Variants in PTGER4 observed in about 807,000 individuals in gnomAD.
The protein encoded by PTGER4 is prostaglandin E2 receptor EP4 subtype.
PTGER4 carries 11 observed loss-of-function variants against 33.2 expected under a neutral mutation model. That is an observed-to-expected ratio of 0.33 (90% CI 0.21 to 0.55). The LOEUF (loss-of-function observed/expected upper bound fraction) is 0.55. Ranked by LOEUF, PTGER4 falls within the 20% of genes least tolerant of loss-of-function variation. PTGER4 has a pLI of 0.92. For synonymous variants in PTGER4, 275 were observed against 281.5 expected (o/e 0.98, Z 0.23); for missense variants, 481 against 650.2 (o/e 0.74, Z 2.83).
the PTGER4 span, among the ~76,000 whole-genome samples, chr5:40,732,284 T>G: frequency 3.9e-5 from 6 of 152,258 alleles, no homozygotes; most frequent in South Asian, 1.2e-3. Context: ...CCACAAGTGC[T>G]GAGATTACAG....
At chr5:40,726,172 C>A in the PTGER4 span, among the ~76,000 whole-genome samples, 1 of 149,726 alleles carries the variant, frequency 6.7e-6, no homozygotes, top group Non-Finnish European at 1.5e-5. Flanking sequence ...CACACACACA[C>A]ACGTATATAT....
At chr5:40,722,672 G>A in the PTGER4 span, among the ~76,000 whole-genome samples, 1 of 151,900 alleles carries the variant, frequency 6.6e-6, no homozygotes, top group African/African-American at 2.4e-5. Context: ...CCGCCCCACA[G>A]CCGCCCAGTC....
chr5:40,681,510 G>T lies in PTGER4; in HGVS notation c.517G>T (p.Asp173Tyr). Residue 173 changes from aspartate (D) to tyrosine (Y), a missense_variant, in exon 2 of 3, where the codon GAC becomes TAC. Physicochemically the swap from Asp to Tyr is radical, Grantham distance 160. Transcript: ENST00000302472. This position sits in a 1 kb window ranked among gnomAD's most constrained non-coding sequence, Gnocchi z 9.8. ...GTACCCAGACACCTGGTGCTTCATC[G>T]ACTGGACCACCAACGTGACGGCGCA... ...LQYPDTWCFI[D>Y]WTTNVTAHAA... 1 of 1,613,240 alleles carries T rather than the reference G, an allele frequency of 6.2e-7. No individual in the cohort carries two copies. The highest frequency in any genetic ancestry group is 8.5e-7 in the Non-Finnish European group (1 of 1,180,038).
At chr5:40,721,583 T>C in the PTGER4 span, among the ~76,000 whole-genome samples, 1 of 152,038 alleles carries the variant, frequency 6.6e-6, no homozygotes, top group Non-Finnish European at 1.5e-5. Flanking sequence ...GATCCTCATC[T>C]TACACCATAA....
At position 40,692,561 on chromosome 5, in the gene PTGER4, C is replaced by T; in HGVS notation, c.*183C>T. 1 of 1,391,980 alleles carries T rather than the reference C, an allele frequency of 7.2e-7. No individual in the cohort carries two copies. Among genetic ancestry groups the T allele is most frequent in the Non-Finnish European group, 9.3e-7 (1 of 1,076,252 alleles). The allele number at this position is 1,391,980 out of a possible 1,614,324, so 86.2% of individuals were successfully genotyped here. ...AAGTTGACTCACGTGGGTCCTGAGGCCTGCAGCACGTCGGATGCTACCCCA... is the reference window on the plus strand; with the variant it reads ...AAGTTGACTCACGTGGGTCCTGAGGTCTGCAGCACGTCGGATGCTACCCCA... On this transcript the variant is annotated 3_prime_UTR_variant, in exon 3 of 3. Transcript: ENST00000302472.
At chr5:40,713,404 C>T in the PTGER4 span, among the ~76,000 whole-genome samples, 1 of 152,206 alleles carries the variant, frequency 6.6e-6, no homozygotes, top group South Asian at 2.1e-4. Flanking sequence ...TGAGACAGAG[C>T]TTTTAAAAAA....
downstream of PTGER4, among the ~76,000 whole-genome samples, chr5:40,697,258 G>GAAAGAA (rs1165038571): frequency 1.3e-4 from 13 of 101,466 alleles, no homozygotes; most frequent in Non-Finnish European, 3.1e-4. Context: ...AAGAAAGAAA[G>GAAAGAA]AAAGAAAGAA....
In PTGER4 at chr5:40,691,172, C is replaced by T. The variant is rs1008737135; in HGVS notation, c.868-607C>T. On this transcript the variant is annotated intron_variant, in intron 2 of 2. Transcript: ENST00000302472. This position sits in a 1 kb window ranked among gnomAD's most constrained non-coding sequence, Gnocchi z 4.2. The stretch of plus-strand genomic sequence containing the variant: ...AGTAGCTGGGATTATAGGCGTGTGC[C>T]GCCACACCTGGCTAATTTTTGTTTT... Among the ~76,000 whole-genome samples, 3 of 152,072 alleles carry T rather than the reference C, an allele frequency of 2.0e-5. No homozygotes were observed. Among genetic ancestry groups the T allele is most frequent in the East Asian group, 1.9e-4 (1 of 5,168 alleles).
At chr5:40,723,598 C>G in the PTGER4 span, among the ~76,000 whole-genome samples, 2 of 151,900 alleles carry the variant, frequency 1.3e-5, no homozygotes, top group Non-Finnish European at 1.5e-5. Context: ...GATGCGGTGA[C>G]TCACACCTAT....
At chr5:40,686,368 A>G (rs1431626720) in intron 2 of PTGER4, among the ~76,000 whole-genome samples, 4 of 152,242 alleles carry the variant, frequency 2.6e-5, no homozygotes, top group East Asian at 3.8e-4. Context: ...TTTTGATACC[A>G]TATTATTAAC....
chr5:40,687,929 G>A (rs6451535), intron 2 of PTGER4, among the ~76,000 whole-genome samples: 105,081 of 151,950 alleles, frequency 0.69, 36,351 homozygotes, highest in East Asian at 0.8. Flanking sequence ...TATACTAGTC[G>A]AAATCCATTG....
At position 40,681,733 on chromosome 5, in the gene PTGER4, C is replaced by G. The variant is rs776710373; in HGVS notation, c.740C>G (p.Ala247Gly). The G allele has an allele frequency of 3.1e-6, 5 of 1,596,330 alleles. No homozygotes were observed. Among genetic ancestry groups the G allele is most frequent in the Non-Finnish European group, 4.3e-6 (5 of 1,176,090 alleles). The change falls in exon 2 of 3, where the codon GCC (alanine) becomes GGC (glycine). Residue 247 changes from alanine to glycine, a missense_variant. Ala to Gly is a moderately conservative substitution (Grantham distance 60). Around this residue, in one of 7 missense-constraint regions of PTGER4, gnomAD observed 174 missense variants for 210.5 expected, o/e 0.83. Coordinates refer to ENST00000302472, the MANE Select transcript of PTGER4 (RefSeq NM_000958.3). This position sits in a 1 kb window ranked among gnomAD's most constrained non-coding sequence, Gnocchi z 9.8. ...ASRGHPAASP[A>G]LPRLSDFRRR... is the part of the protein sequence containing the mutation. ...CGGGGCCACCCCGCTGCCTCCCCAGCCTTGCCGCGCCTCAGCGACTTTCGG... is the reference window on the plus strand; with the variant it reads ...CGGGGCCACCCCGCTGCCTCCCCAGGCTTGCCGCGCCTCAGCGACTTTCGG...
the PTGER4 span, among the ~76,000 whole-genome samples, chr5:40,735,986 T>C: frequency 6.6e-6 from 1 of 152,188 alleles, no homozygotes; most frequent in African/African-American, 2.4e-5. Context: ...AGAAGCTTTT[T>C]AAATGGATGT....
At chr5:40,700,079 A>G in the PTGER4 span, among the ~76,000 whole-genome samples, 4 of 152,254 alleles carry the variant, frequency 2.6e-5, no homozygotes, top group African/African-American at 9.6e-5. Context: ...TAGCTAATGT[A>G]GCTAACAAAT....
At chr5:40,706,399 T>A in the PTGER4 span, among the ~76,000 whole-genome samples, 1 of 152,106 alleles carries the variant, frequency 6.6e-6, no homozygotes, top group Non-Finnish European at 1.5e-5. Flanking sequence ...ACCTGAATGA[T>A]GTAATAATAT....
the PTGER4 span, among the ~76,000 whole-genome samples, chr5:40,707,601 T>G: frequency 1.3e-5 from 2 of 152,162 alleles, no homozygotes; most frequent in African/African-American, 4.8e-5. Context: ...AACACCCCAC[T>G]GTCAACATTA....
At chr5:40,746,729 A>G in the PTGER4 span, 1 of 1,122,328 alleles carries the variant, frequency 8.9e-7, no homozygotes, top group Non-Finnish European at 1.3e-6. Context: ...ATAACTCTTC[A>G]TCCCATTACG....
the PTGER4 span, among the ~76,000 whole-genome samples, chr5:40,709,779 A>G: frequency 6.6e-6 from 1 of 152,248 alleles, no homozygotes; most frequent in South Asian, 2.1e-4. Context: ...CCTGACTTCA[A>G]ACTATACTAC....
the PTGER4 span, among the ~76,000 whole-genome samples, chr5:40,705,854 G>A: frequency 6.6e-6 from 1 of 152,052 alleles, no homozygotes; most frequent in Non-Finnish European, 1.5e-5. Flanking sequence ...GTGTAGAAAG[G>A]GGAACCCTAT....
Sources: gnomAD v4.1 joint callset for allele counts (sites outside exome capture counted in the v4.1 genomes callset) on GRCh38, gnomAD v4.1.1 for gene constraint, gnomAD v4.1.1 regional missense constraint, Gnocchi (gnomAD v3.1) non-coding constraint, MANE v1.5 for transcripts, NCBI Gene and HGNC (gene_info 2026-07-23, HGNC 2026-07-21) for gene names.